PCED1B: variants seen among roughly 807,000 people sequenced by gnomAD.
PCED1B encodes the protein PC-esterase domain containing 1B, also known as PC-esterase domain-containing protein 1B.
For missense variants in PCED1B, 573 were observed against 573.9 expected, an observed-to-expected ratio of 1.00 and a Z score of 0.02; for synonymous variants, 251 against 246.1, an observed-to-expected ratio of 1.02 and a Z score of -0.19.
intron 2 of PCED1B, among the ~76,000 whole-genome samples, chr12:47,153,550 T>C (rs1384791585): frequency 6.6e-6 from 1 of 152,054 alleles, no homozygotes; most frequent in Non-Finnish European, 1.5e-5. Context: ...CAAAGAACTG[T>C]GAACTGTTAA....
intron 2 of PCED1B, among the ~76,000 whole-genome samples, chr12:47,174,710 C>T (rs974080745): frequency 2.6e-5 from 4 of 152,168 alleles, no homozygotes; most frequent in African/African-American, 7.2e-5. Context: ...TACTTTTGCA[C>T]ATCTGGAATT....
chr12:47,232,460 C>T (rs1451569388), intron 3 of PCED1B, among the ~76,000 whole-genome samples: 2 of 152,114 alleles, frequency 1.3e-5, no homozygotes, highest in Non-Finnish European at 2.9e-5. Context: ...GCTTTTAAAA[C>T]TTGAATGTGT....
chr12:47,127,889 G>A (rs1323442815), intron 2 of PCED1B, among the ~76,000 whole-genome samples: 8 of 152,210 alleles, frequency 5.3e-5, no homozygotes, highest in African/African-American at 1.9e-4. Flanking sequence ...TCAAGTCTTC[G>A]ATATACTCAC....
intron 1 of PCED1B, among the ~76,000 whole-genome samples, chr12:47,098,875 G>A (rs1938588177): frequency 6.6e-6 from 1 of 152,200 alleles, no homozygotes; most frequent in South Asian, 2.1e-4. Flanking sequence ...CAATCAACTT[G>A]AGTTTCAGTC....
At chr12:47,120,939 C>G (rs1238745837) in intron 2 of PCED1B, among the ~76,000 whole-genome samples, 1 of 151,986 alleles carries the variant, frequency 6.6e-6, no homozygotes, top group Admixed American at 6.6e-5. Flanking sequence ...ATGTTCTTAA[C>G]AGGAAAATCT....
rs186456834 is a variant in PCED1B at position 47,082,301 on chromosome 12, C to G, written c.-609+2576C>G. Among the ~76,000 whole-genome samples, 15 of 152,274 alleles carry G rather than the reference C, an allele frequency of 9.9e-5. No homozygotes were observed. The East Asian group carries it at 2.7e-3, about 27-fold the overall frequency. On this transcript the variant is annotated intron_variant, in intron 1 of 3. Transcript: ENST00000546455. ...ATAAATGAACTGATGAACAGGGAACCTATTCAAAGTGGTTAAGATAACGGT... is the reference window on the plus strand; with the variant it reads ...ATAAATGAACTGATGAACAGGGAACGTATTCAAAGTGGTTAAGATAACGGT...
In PCED1B at chr12:47,230,180, G is replaced by T. The variant is rs551342757; in HGVS notation, c.-57-4827G>T. Among the ~76,000 whole-genome samples, 11 of 149,212 alleles carry T rather than the reference G, an allele frequency of 7.4e-5. No individual in the cohort carries two copies. The East Asian group carries it at 1.8e-3, about 24-fold the overall frequency. ...GCTCACTACAAGTTCCGCCTCCCAG[G>T]TTCACACCTTTCTCCTGCCTCAGCC... On this transcript the variant is annotated intron_variant, in intron 3 of 3. Transcript: ENST00000546455.
chr12:47,234,452 GTT>G (rs1943907858), intron 3 of PCED1B, among the ~76,000 whole-genome samples: 1 of 152,122 alleles, frequency 6.6e-6, no homozygotes, highest in South Asian at 2.1e-4. Flanking sequence ...ATGAAGATAT[GTT>G]TTTACATATT....
chr12:47,164,650 CTG>C (rs1941487963), intron 2 of PCED1B, among the ~76,000 whole-genome samples: 1 of 152,256 alleles, frequency 6.6e-6, no homozygotes, highest in Admixed American at 6.5e-5. Flanking sequence ...GGCATTGCCC[CTG>C]TGGGAGCTCC....
At chr12:47,093,689 A>G (rs1161702523) in intron 1 of PCED1B, among the ~76,000 whole-genome samples, 2 of 151,588 alleles carry the variant, frequency 1.3e-5, no homozygotes, top group African/African-American at 4.8e-5. Context: ...TCTTTATCCC[A>G]TGGATTATTT....
At chr12:47,117,470 A>C (rs1939475285) in intron 2 of PCED1B, among the ~76,000 whole-genome samples, 1 of 152,126 alleles carries the variant, frequency 6.6e-6, no homozygotes, top group East Asian at 1.9e-4. Context: ...TCCATGCGAC[A>C]GTTTGCTCAG....
chr12:47,157,526 A>G (rs899940578), intron 2 of PCED1B, among the ~76,000 whole-genome samples: 1 of 152,202 alleles, frequency 6.6e-6, no homozygotes, highest in African/African-American at 2.4e-5. Context: ...GTGAGCCATG[A>G]TAAAGCCACT....
At chr12:47,186,692 A>G (rs1449603548) in intron 2 of PCED1B, among the ~76,000 whole-genome samples, 1 of 152,124 alleles carries the variant, frequency 6.6e-6, no homozygotes, top group Non-Finnish European at 1.5e-5. Flanking sequence ...TTTTTCCCCT[A>G]CAGCTTTCAG....
At position 47,221,066 on chromosome 12, in the gene PCED1B, C is replaced by T. The variant is rs551873148; in HGVS notation, c.-58+4377C>T. The stretch of plus-strand genomic sequence containing the variant: ...TCTAACATATTAAATGAATTTGAAA[C>T]TTTAAAACCTAGATGATGAAGTTTT... On this transcript the variant is annotated intron_variant, in intron 3 of 3. Transcript: ENST00000546455. 3.3e-5 allele frequency among the ~76,000 whole-genome samples: 5 copies of T among 152,196 alleles called. No homozygotes were observed. The South Asian group carries it at 1.0e-3, about 32-fold the overall frequency.
At chr12:47,162,127 G>T (rs182667662) in intron 2 of PCED1B, among the ~76,000 whole-genome samples, 15 of 151,586 alleles carry the variant, frequency 9.9e-5, no homozygotes, top group Non-Finnish European at 1.2e-4. Flanking sequence ...GTGGTGGGGG[G>T]GGGAAGGATA....
chr12:47,202,432 C>A (rs990230192), intron 2 of PCED1B, among the ~76,000 whole-genome samples: 1 of 151,934 alleles, frequency 6.6e-6, no homozygotes, highest in Non-Finnish European at 1.5e-5. Flanking sequence ...GTTCCTAAGG[C>A]GAAGATAGTT....
chr12:47,203,090 C>T (rs1352994761), intron 2 of PCED1B, among the ~76,000 whole-genome samples: 33 of 151,822 alleles, frequency 2.2e-4, no homozygotes, highest in Admixed American at 2.0e-3. Context: ...CTGCCTCAGC[C>T]CCCCAAGTAA....
At chr12:47,198,958 C>T (rs1417989925) in intron 2 of PCED1B, among the ~76,000 whole-genome samples, 1 of 147,400 alleles carries the variant, frequency 6.8e-6, no homozygotes, top group East Asian at 2.0e-4. Flanking sequence ...AAGAGCTAAA[C>T]TCCATCTCAA....
intron 2 of PCED1B, among the ~76,000 whole-genome samples, chr12:47,159,749 C>T (rs1381428137): frequency 6.6e-6 from 1 of 152,104 alleles, no homozygotes; most frequent in Non-Finnish European, 1.5e-5. Flanking sequence ...AGTATAGTCA[C>T]ATTTGTCTAT....
Sources: allele counts gnomAD v4.1 joint callset (sites outside exome capture counted in the v4.1 genomes callset), GRCh38; gene constraint gnomAD v4.1.1; transcripts MANE v1.5; gene names NCBI Gene and HGNC (gene_info 2026-07-23, HGNC 2026-07-21).